The following SLX9 variants were observed in gnomAD, a reference collection of about 807,000 sequenced individuals.
SLX9 encodes the protein ribosome biogenesis protein SLX9 homolog.
In SLX9, 19 loss-of-function variants were observed where a neutral mutation model predicts 20.8. The observed-to-expected ratio is 0.91, with a 90% confidence interval of 0.64 to 1.34. The LOEUF (loss-of-function observed/expected upper bound fraction) is 1.34, where lower values mean the gene tolerates loss of function less well. Among genes scored for constraint, SLX9 ranks in the 40% most tolerant of loss-of-function variants. The pLI, the probability that SLX9 is intolerant of heterozygous loss-of-function variation, is 0.00. For synonymous variants in SLX9, 113 were observed against 137.1 expected (o/e 0.82, Z 1.23); for missense variants, 299 against 322.2 (o/e 0.93, Z 0.55).
At chr21:44,954,727 G>T (rs532512164) in intron 2 of SLX9, among the ~76,000 whole-genome samples, 1 of 152,192 alleles carries the variant, frequency 6.6e-6, no homozygotes, top group Non-Finnish European at 1.5e-5. Flanking sequence ...CTTCTCTGCG[G>T]TGCTGCTGGT....
chr21:44,940,311 C>A (rs2084517613), intron 1 of SLX9, 125 bp downstream of exon 1: 3 of 1,159,760 alleles, frequency 2.6e-6, no homozygotes, highest in Non-Finnish European at 3.2e-6. Context: ...GCATTTGCTG[C>A]GCTACAGACG....
intron 4 of SLX9, chr21:44,969,075 A>G (rs1379627417): frequency 9.1e-6 from 4 of 440,078 alleles, no homozygotes; most frequent in Non-Finnish European, 2.0e-5. Context: ...TTAAAAAATA[A>G]TTTTCTTTCT....
chr21:44,961,418 A>T (rs1427615946), intron 3 of SLX9, among the ~76,000 whole-genome samples: 1 of 152,180 alleles, frequency 6.6e-6, no homozygotes, highest in Non-Finnish European at 1.5e-5. Context: ...GTCTCTACAA[A>T]AAATGTAAAA....
At chr21:44,941,974 GGACACCAGA>G (rs1351361426) in intron 1 of SLX9, among the ~76,000 whole-genome samples, 1 of 152,202 alleles carries the variant, frequency 6.6e-6, no homozygotes, top group Non-Finnish European at 1.5e-5. Flanking sequence ...CTCCGTGTCA[GGACACCAGA>G]GATGGGGCAG....
At chr21:44,971,400 C>T (rs1165242130) in intron 4 of SLX9, among the ~76,000 whole-genome samples, 1 of 152,034 alleles carries the variant, frequency 6.6e-6, no homozygotes, top group Non-Finnish European at 1.5e-5. Flanking sequence ...GTAGGCTGTG[C>T]GTCCCGCCTG....
intron 3 of SLX9, among the ~76,000 whole-genome samples, chr21:44,962,421 A>G (rs1236721414): frequency 6.6e-6 from 1 of 152,200 alleles, no homozygotes; most frequent in Non-Finnish European, 1.5e-5. Flanking sequence ...AAATGGAATC[A>G]TGTAGGATGC....
chr21:44,959,067 C>T (rs1014230736), intron 2 of SLX9: 15 of 272,958 alleles, frequency 5.5e-5, no homozygotes, highest in African/African-American at 6.9e-5. Flanking sequence ...AGTAGGTCAA[C>T]CCAGGCACAC....
chr21:44,960,692 C>T (rs1272806768), intron 3 of SLX9, among the ~76,000 whole-genome samples: 4 of 152,380 alleles, frequency 2.6e-5, no homozygotes, highest in African/African-American at 7.2e-5. Context: ...TCCCCAGACC[C>T]TTTCAGGCCT....
In SLX9 at chr21:44,967,102, G is replaced by A; in HGVS notation, c.421G>A (p.Val141Met). The change falls in exon 4 of 6, where the codon GTG (valine) becomes ATG (methionine). Residue 141 changes from valine to methionine, a missense_variant. Val to Met is a conservative substitution (Grantham distance 21). Transcript: ENST00000291634. ...EERRRRATVV[V>M]GDLHPLRDAL... The stretch of plus-strand genomic sequence containing the variant: ...GCGGAGGCGGAGGGCCACGGTGGTG[G>A]TGGGGGACCTGCACCCTCTCAGGGA... 1.9e-6 allele frequency: 3 copies of A among 1,611,470 alleles called. No homozygotes were observed. The highest frequency in any genetic ancestry group is 2.5e-6 in the Non-Finnish European group (3 of 1,179,564).
chr21:44,947,344 C>T (rs940551244), intron 2 of SLX9, among the ~76,000 whole-genome samples: 1 of 152,322 alleles, frequency 6.6e-6, no homozygotes, highest in South Asian at 2.1e-4. Context: ...TCTCATCGTC[C>T]GTGCCCTGCC....
At chr21:44,941,942 G>A (rs1174881375) in intron 1 of SLX9, among the ~76,000 whole-genome samples, 1 of 152,168 alleles carries the variant, frequency 6.6e-6, no homozygotes, top group Non-Finnish European at 1.5e-5. Context: ...CCTTTTTGCA[G>A]CCTACCGCTC....
intron 2 of SLX9, among the ~76,000 whole-genome samples, chr21:44,952,733 C>T (rs1021070810): frequency 6.6e-6 from 1 of 152,214 alleles, no homozygotes; most frequent in Non-Finnish European, 1.5e-5. Context: ...CCGGGCGCCC[C>T]CCTGCCTAGG....
intron 3 of SLX9, among the ~76,000 whole-genome samples, chr21:44,962,349 A>G (rs1021892480): frequency 6.6e-6 from 1 of 152,156 alleles, no homozygotes; most frequent in Non-Finnish European, 1.5e-5. Context: ...CCCCAGAGGT[A>G]ACAACTGCTG....
chr21:44,965,522 G>A (rs999886516), intron 3 of SLX9, among the ~76,000 whole-genome samples: 1 of 152,224 alleles, frequency 6.6e-6, no homozygotes, highest in Non-Finnish European at 1.5e-5. Context: ...GCTTCCTTCC[G>A]TTTGTGGTTT....
intron 3 of SLX9, among the ~76,000 whole-genome samples, chr21:44,962,297 C>G (rs80247880): frequency 6.6e-6 from 1 of 152,128 alleles, no homozygotes; most frequent in Non-Finnish European, 1.5e-5. Context: ...CACCATTCCC[C>G]GACAGTCACG....
chr21:44,956,455 G>A lies in SLX9; in HGVS notation c.284-3645G>A, dbSNP rs550022897. Among the ~76,000 whole-genome samples the A allele has an allele frequency of 1.2e-4, 18 of 152,324 alleles. No individual in the cohort carries two copies. The South Asian group carries it at 2.3e-3, about 19-fold the overall frequency. ...TTCAGCTTGCATTCACCCAGAAGGC[G>A]TGGCGAGAAGAACCTCGGCACCACG... On this transcript the variant is annotated intron_variant, in intron 2 of 5. Coordinates refer to ENST00000291634, the MANE Select transcript of SLX9 (RefSeq NM_058190.4).
At chr21:44,946,359 T>C (rs2084641982) in intron 2 of SLX9, among the ~76,000 whole-genome samples, 3 of 152,238 alleles carry the variant, frequency 2.0e-5, no homozygotes, top group South Asian at 4.1e-4. Flanking sequence ...GTGCTGACAG[T>C]AGCGTGGCCC....
chr21:44,971,932 G>A lies in SLX9; in HGVS notation c.501-1265G>A, dbSNP rs535203455. Reference sequence around the variant, plus strand: ...TGGCTTTGAGCGGGCAGAGGGGACGGGAGATGCGAGGGGCTGTCATCTGCC... The same window carrying A: ...TGGCTTTGAGCGGGCAGAGGGGACGAGAGATGCGAGGGGCTGTCATCTGCC... On this transcript the variant is annotated intron_variant, in intron 4 of 5. Coordinates refer to ENST00000291634, the MANE Select transcript of SLX9 (RefSeq NM_058190.4). 1.2e-4 allele frequency among the ~76,000 whole-genome samples: 18 copies of A among 152,314 alleles called. 1 individual carries two copies. In the South Asian group the frequency reaches 2.9e-3, roughly 25 times the overall value.
rs1253216690 is a variant in SLX9, at chr21:44,960,043, G to A, written c.284-57G>A. Reference sequence around the variant, plus strand: ...CAGGACCCGCCCCAGCCCATTCTCAGGTCATGGGAGTGCCACCTGGACACG... The same window carrying A: ...CAGGACCCGCCCCAGCCCATTCTCAAGTCATGGGAGTGCCACCTGGACACG... On this transcript the variant is annotated intron_variant, in intron 2 of 5. Transcript: ENST00000291634. 3.3e-6 allele frequency: 5 copies of A among 1,511,630 alleles called. No homozygotes were observed. In the African/African-American group the frequency reaches 6.9e-5, roughly 21 times the overall value. 93.6% of individuals were successfully genotyped at this position (1,511,630 alleles called of 1,614,324 possible). A position where few individuals can be genotyped will look rare whatever the true frequency, so the allele number is the denominator to read the frequency against.
Sources: allele counts gnomAD v4.1 joint callset (sites outside exome capture counted in the v4.1 genomes callset), GRCh38; gene constraint gnomAD v4.1.1; transcripts MANE v1.5; gene names NCBI Gene and HGNC (gene_info 2026-07-23, HGNC 2026-07-21).